Variants in CACNA2D3 observed in about 807,000 individuals in gnomAD.
CACNA2D3 encodes calcium voltage-gated channel auxiliary subunit alpha2delta 3, also known as voltage-dependent calcium channel subunit alpha-2/delta-3.
In CACNA2D3, 60 loss-of-function variants were observed where a neutral mutation model predicts 160.6. That is an observed-to-expected ratio of 0.37 (90% confidence interval 0.30 to 0.46). The LOEUF (loss-of-function observed/expected upper bound fraction) is 0.46. Ranked by LOEUF, CACNA2D3 falls within the 20% of genes least tolerant of loss-of-function variation. CACNA2D3 has a pLI of 1.00. For synonymous variants in CACNA2D3, 558 were observed against 492.9 expected, an observed-to-expected ratio of 1.13 and a Z score of -1.75; for missense variants, 1,205 against 1,365.0, an observed-to-expected ratio of 0.88 and a Z score of 1.85.
rs570405153 is a variant in CACNA2D3, at chr3:55,074,319, C to G, written c.*113C>G. 1 of 814,450 alleles carries G rather than the reference C, an allele frequency of 1.2e-6. No homozygotes were observed. Among genetic ancestry groups the G allele is most frequent in the Non-Finnish European group, 2.1e-6 (1 of 468,032 alleles). 50.5% of individuals were successfully genotyped at this position (814,450 alleles called of 1,614,324 possible). On this transcript the variant is annotated 3_prime_UTR_variant, in exon 38 of 38. Transcript: ENST00000474759. ...ATACGAGACATGAATATAGTCCAAC[C>G]ATCAGCATCTCATCATGATTTTAAA...
chr3:54,612,619 C>A (rs1201512139), intron 9 of CACNA2D3, among the ~76,000 whole-genome samples: 1 of 152,016 alleles, frequency 6.6e-6, no homozygotes, highest in Non-Finnish European at 1.5e-5. Context: ...CCTTTAATTT[C>A]AATTAGAGGT....
intron 32 of CACNA2D3, among the ~76,000 whole-genome samples, chr3:55,007,145 C>A (rs1174958489): frequency 6.6e-6 from 1 of 152,094 alleles, no homozygotes; most frequent in Non-Finnish European, 1.5e-5. Flanking sequence ...AATCCAACTG[C>A]TTTTTTTAAT....
At chr3:54,625,961 G>A (rs1367969054) in intron 9 of CACNA2D3, among the ~76,000 whole-genome samples, 1 of 152,162 alleles carries the variant, frequency 6.6e-6, no homozygotes, top group East Asian at 1.9e-4. Flanking sequence ...TGCCTGGGGC[G>A]TTGTTGGGTG....
At chr3:54,736,912 G>A (rs1339815495) in intron 11 of CACNA2D3, among the ~76,000 whole-genome samples, 1 of 152,168 alleles carries the variant, frequency 6.6e-6, no homozygotes, top group African/African-American at 2.4e-5. Flanking sequence ...TGATGACAGT[G>A]ACCACCTCAA....
intron 11 of CACNA2D3, among the ~76,000 whole-genome samples, chr3:54,671,316 G>A (rs1403446896): frequency 2.0e-5 from 3 of 151,778 alleles, no homozygotes; most frequent in African/African-American, 7.3e-5. Flanking sequence ...CCCTTTGCAG[G>A]GCTGAAGGGG....
chr3:54,429,658 C>A (rs1410502560), intron 4 of CACNA2D3, among the ~76,000 whole-genome samples: 1 of 152,052 alleles, frequency 6.6e-6, no homozygotes, highest in African/African-American at 2.4e-5. Flanking sequence ...AACTGGACTG[C>A]GAATAGCACT....
intron 3 of CACNA2D3, among the ~76,000 whole-genome samples, chr3:54,333,110 G>A (rs1274090226): frequency 6.6e-6 from 1 of 152,132 alleles, no homozygotes; most frequent in Non-Finnish European, 1.5e-5. Context: ...AGAGGGTTTG[G>A]AGAGGAGAGA....
chr3:54,719,950 C>T (rs1701138967), intron 11 of CACNA2D3, among the ~76,000 whole-genome samples: 1 of 151,820 alleles, frequency 6.6e-6, no homozygotes, highest in Non-Finnish European at 1.5e-5. Context: ...ATAAAGTCCC[C>T]TTATTTCCTT....
chr3:54,421,911 G>A (rs182089160), intron 4 of CACNA2D3, among the ~76,000 whole-genome samples: 1 of 152,080 alleles, frequency 6.6e-6, no homozygotes, highest in East Asian at 1.9e-4. Context: ...TCCAACAGCA[G>A]GTGGGCAGTC....
At position 54,763,874 on chromosome 3, in the gene CACNA2D3, T is replaced by TATATATAC. The variant is rs1459976685; in HGVS notation, c.1247-338_1247-337insACATATAT. The stretch of plus-strand genomic sequence containing the variant: ...ATATATATACATATATATATACGTA[T>TATATATAC]ATATATGTATATATATGTATGTGGG... On this transcript the variant is annotated intron_variant, in intron 12 of 37. Transcript: ENST00000474759. Among the ~76,000 whole-genome samples the TATATATAC allele has an allele frequency of 4.4e-3, 149 of 34,002 alleles. 27 individuals carry two copies. Among genetic ancestry groups the TATATATAC allele is most frequent in the African/African-American group, 0.018 (145 of 7,868 alleles). 22.3% of individuals were successfully genotyped at this position (34,002 alleles called of 152,430 possible).
At chr3:54,668,971 C>T (rs1052345638) in intron 11 of CACNA2D3, among the ~76,000 whole-genome samples, 1 of 152,216 alleles carries the variant, frequency 6.6e-6, no homozygotes, top group Admixed American at 6.5e-5. Flanking sequence ...TTTCAATAGC[C>T]TAGGTCATGT....
chr3:54,711,880 T>C (rs1700959963), intron 11 of CACNA2D3, among the ~76,000 whole-genome samples: 1 of 152,164 alleles, frequency 6.6e-6, no homozygotes, highest in African/African-American at 2.4e-5. Flanking sequence ...TGCCTAAAGC[T>C]AGATAAAGGT....
chr3:54,989,469 C>T (rs116455623), intron 31 of CACNA2D3, among the ~76,000 whole-genome samples: 2 of 152,194 alleles, frequency 1.3e-5, no homozygotes, highest in Non-Finnish European at 2.9e-5. Context: ...TGACAAACCT[C>T]CTGGGCTTCT....
intron 27 of CACNA2D3, among the ~76,000 whole-genome samples, chr3:54,927,364 A>C (rs1428946825): frequency 6.6e-6 from 1 of 152,144 alleles, no homozygotes; most frequent in African/African-American, 2.4e-5. Context: ...GAGCAAAACC[A>C]CTGTTTTCCT....
chr3:54,525,353 G>A (rs1459404284), intron 5 of CACNA2D3, among the ~76,000 whole-genome samples: 2 of 152,064 alleles, frequency 1.3e-5, no homozygotes, highest in Admixed American at 6.5e-5. Flanking sequence ...AGTCAATTAA[G>A]AAAGGTGAAG....
At chr3:54,802,901 C>T (rs568928750) in intron 13 of CACNA2D3, among the ~76,000 whole-genome samples, 7 of 152,288 alleles carry the variant, frequency 4.6e-5, no homozygotes, top group Admixed American at 6.5e-5. Context: ...TCGCGATTCA[C>T]GAAAGTCCGC....
chr3:54,278,140 T>C (rs1702787629), intron 2 of CACNA2D3, among the ~76,000 whole-genome samples: 1 of 151,988 alleles, frequency 6.6e-6, no homozygotes, highest in Admixed American at 6.6e-5. Context: ...GTTAAACAAA[T>C]TTACTAGAAA....
chr3:55,044,954 T>G (rs1289160910), intron 35 of CACNA2D3, among the ~76,000 whole-genome samples: 2 of 152,242 alleles, frequency 1.3e-5, no homozygotes, highest in Non-Finnish European at 2.9e-5. Context: ...CCATACTTGG[T>G]CATGATATAT....
intron 2 of CACNA2D3, among the ~76,000 whole-genome samples, chr3:54,295,189 T>G (rs1703312809): frequency 6.6e-6 from 1 of 151,864 alleles, no homozygotes; most frequent in Admixed American, 6.6e-5. Flanking sequence ...GTGCCAAAGG[T>G]GCATGGAGGT....
Sources: allele counts gnomAD v4.1 joint callset (sites outside exome capture counted in the v4.1 genomes callset), GRCh38; gene constraint gnomAD v4.1.1; transcripts MANE v1.5; gene names NCBI Gene and HGNC (gene_info 2026-07-23, HGNC 2026-07-21).